DDC: variants seen among roughly 807,000 people sequenced by gnomAD.
The protein encoded by DDC is aromatic-L-amino-acid decarboxylase.
In DDC, 43 loss-of-function variants were observed where a neutral mutation model predicts 60.0. The observed-to-expected ratio is 0.72, with a 90% confidence interval of 0.56 to 0.92. The LOEUF (loss-of-function observed/expected upper bound fraction) is 0.92, where lower values mean the gene tolerates loss of function less well. Among genes scored for constraint, DDC ranks in the 40% least tolerant of loss-of-function variants. The pLI is 0.00. For synonymous variants in DDC, 232 were observed against 234.6 expected (o/e 0.99, Z 0.10); for missense variants, 573 against 620.2 (o/e 0.92, Z 0.81).
intron 5 of DDC, 64 bp downstream of exon 5, chr7:50,529,144 A>T: frequency 3.7e-6 from 6 of 1,606,274 alleles, no homozygotes; most frequent in Middle Eastern, 2.3e-4. Flanking sequence ...TTTGGTTTGA[A>T]TTTGACATAA....
At chr7:50,512,695 G>T (rs1005067085) in intron 6 of DDC, among the ~76,000 whole-genome samples, 1 of 152,204 alleles carries the variant, frequency 6.6e-6, no homozygotes, top group African/African-American at 2.4e-5. Flanking sequence ...GTGCAAAGAG[G>T]TGGTGGCCAT....
At chr7:50,498,500 C>T (rs564595802) in intron 8 of DDC, among the ~76,000 whole-genome samples, 3 of 152,298 alleles carry the variant, frequency 2.0e-5, no homozygotes, top group Non-Finnish European at 2.9e-5. Context: ...AATGAAATCC[C>T]GCTTGAGTCT....
chr7:50,520,091 A>G (rs1296308065), intron 6 of DDC, among the ~76,000 whole-genome samples: 1 of 152,198 alleles, frequency 6.6e-6, no homozygotes, highest in Non-Finnish European at 1.5e-5. Flanking sequence ...AGACTTTGTC[A>G]CCCCTTTGTC....
intron 6 of DDC, among the ~76,000 whole-genome samples, chr7:50,512,494 A>T (rs1204921448): frequency 1.3e-5 from 2 of 152,202 alleles, no homozygotes; most frequent in Non-Finnish European, 2.9e-5. Context: ...AATTTTGGTC[A>T]ATTTTAGCTC....
At chr7:50,558,489 T>C (rs1273000477) in intron 1 of DDC, among the ~76,000 whole-genome samples, 1 of 152,102 alleles carries the variant, frequency 6.6e-6, no homozygotes, top group Admixed American at 6.6e-5. Flanking sequence ...CAAGAAAAAA[T>C]CCTGAGAATC....
intron 5 of DDC, 112 bp from the exon 6 acceptor site, chr7:50,528,392 G>C (rs746236866): frequency 5.2e-5 from 69 of 1,323,668 alleles, no homozygotes; most frequent in Non-Finnish European, 7.1e-5. Flanking sequence ...CCCTCTTAAC[G>C]GCACAGGAGG....
chr7:50,490,311 T>G (rs1585173264), intron 9 of DDC, among the ~76,000 whole-genome samples: 1 of 152,096 alleles, frequency 6.6e-6, no homozygotes, highest in East Asian at 1.9e-4. Context: ...AATAGAAAAA[T>G]TCAACCAATT....
At chr7:50,487,869 T>C (rs2042918685) in intron 9 of DDC, among the ~76,000 whole-genome samples, 1 of 152,160 alleles carries the variant, frequency 6.6e-6, no homozygotes, top group Non-Finnish European at 1.5e-5. Context: ...GTTTGCTAAA[T>C]ATTATAAGGT....
At chr7:50,533,298 T>C (rs754439011) in intron 4 of DDC, among the ~76,000 whole-genome samples, 4 of 132,428 alleles carry the variant, frequency 3.0e-5, no homozygotes, top group Admixed American at 7.3e-5. Flanking sequence ...GAAAGGGGAC[T>C]TTTTTTTTTT....
At chr7:50,552,528 A>G (rs957103151) in intron 1 of DDC, among the ~76,000 whole-genome samples, 2 of 152,220 alleles carry the variant, frequency 1.3e-5, no homozygotes, top group African/African-American at 4.8e-5. Flanking sequence ...CTCCAGCCCC[A>G]CACGCTTCAA....
At chr7:50,460,376 C>A (rs185767624) in intron 14 of DDC, among the ~76,000 whole-genome samples, 8,809 of 138,742 alleles carry the variant, frequency 0.063, 871 homozygotes, top group African/African-American at 0.19. Flanking sequence ...GTCAGCCCCC[C>A]GCCCGGCCAG....
intron 12 of DDC, 83 bp from the exon 13 acceptor site, chr7:50,467,398 C>A: frequency 3.5e-6 from 4 of 1,127,996 alleles, no homozygotes; most frequent in Non-Finnish European, 5.4e-6. Flanking sequence ...TATTAGACTG[C>A]CCATGTATAA....
intron 6 of DDC, among the ~76,000 whole-genome samples, chr7:50,511,728 CAAAAAGAAAAAAAG>C (rs1226575704): frequency 4.0e-5 from 6 of 149,876 alleles, no homozygotes; most frequent in Admixed American, 3.3e-4. Context: ...GACTCCATCT[CAAAAAGAAAAAAAG>C]AAAAAGAAAA....
intron 3 of DDC, 28 bp from the exon 4 acceptor site, chr7:50,538,007 C>T (rs1185724918): frequency 1.2e-6 from 2 of 1,614,118 alleles, no homozygotes; most frequent in Non-Finnish European, 1.7e-6. Flanking sequence ...AAGGGATTAA[C>T]CGAGGGCCAG....
At chr7:50,538,627 G>A (rs1370560666) in intron 3 of DDC, among the ~76,000 whole-genome samples, 1 of 152,246 alleles carries the variant, frequency 6.6e-6, no homozygotes, top group Non-Finnish European at 1.5e-5. Context: ...GCCAAGCCCA[G>A]CTCTACCAGG....
chr7:50,475,910 G>A (rs1297459142), intron 11 of DDC, among the ~76,000 whole-genome samples: 4 of 151,958 alleles, frequency 2.6e-5, no homozygotes, highest in Admixed American at 2.6e-4. Flanking sequence ...GGCTGGTCTC[G>A]AAGACCTGAC....
Position 50,544,066 on chromosome 7 carries a change from C to T in DDC, c.20G>A (p.Arg7Gln), listed in dbSNP as rs200792455. Residue 7 changes from arginine to glutamine, a missense_variant, in exon 2 of 15, where the codon CGA (arginine) becomes CAA (glutamine). Physicochemically the swap from Arg to Gln is conservative, Grantham distance 43. Transcript: ENST00000444124. MNASEF[R>Q]RRGKEMVDYM... ...ATCCACCATCTCCTTCCCTCTCCTT[C>T]GGAATTCACTTGCGTTCATGGTGTC... 295 of 1,614,104 alleles carry T rather than the reference C, an allele frequency of 1.8e-4. 1 individual carries two copies. The highest frequency in any genetic ancestry group is 5.6e-4 in the East Asian group (25 of 44,878).
intron 9 of DDC, among the ~76,000 whole-genome samples, chr7:50,481,958 C>T (rs2042778594): frequency 2.0e-5 from 3 of 152,222 alleles, no homozygotes; most frequent in Admixed American, 6.5e-5. Flanking sequence ...TTAGTGCATG[C>T]ACATATCCCA....
intron 9 of DDC, among the ~76,000 whole-genome samples, chr7:50,493,166 G>T (rs946139484): frequency 2.0e-5 from 3 of 152,324 alleles, no homozygotes; most frequent in African/African-American, 7.2e-5. Context: ...CAGGGCTGTC[G>T]TGGGGGTCCA....
Sources: allele counts gnomAD v4.1 joint callset (sites outside exome capture counted in the v4.1 genomes callset), GRCh38; gene constraint gnomAD v4.1.1; transcripts MANE v1.5; gene names NCBI Gene and HGNC (gene_info 2026-07-23, HGNC 2026-07-21).